Variants in STPG2 observed in about 807,000 individuals in gnomAD.
STPG2 encodes sperm tail PG-rich repeat containing 2.
A neutral mutation model predicts 54.2 loss-of-function variants in STPG2; 56 were observed. The observed-to-expected ratio is 1.03, with a 90% confidence interval of 0.83 to 1.29. The LOEUF (loss-of-function observed/expected upper bound fraction) is 1.29. Ranked by LOEUF, STPG2 falls within the 50% of genes most tolerant of loss-of-function variation. The pLI is 0.00. For missense variants in STPG2, 596 were observed against 544.9 expected (o/e 1.09, Z -0.93); for synonymous variants, 200 against 181.8 (o/e 1.10, Z -0.81).
At chr4:97,467,558 C>T (rs1729816834) in intron 4 of STPG2, among the ~76,000 whole-genome samples, 1 of 151,734 alleles carries the variant, frequency 6.6e-6, no homozygotes, top group African/African-American at 2.4e-5. Context: ...ATATGAACCA[C>T]AAGGCACATT....
chr4:97,674,782 T>C (rs757090045), intron 10 of STPG2, among the ~76,000 whole-genome samples: 1 of 152,188 alleles, frequency 6.6e-6, no homozygotes, highest in African/African-American at 2.4e-5. Context: ...TTCAAATAAC[T>C]TTGATCTAAG....
At chr4:97,486,662 CTGAG>C (rs1215258639) in intron 4 of STPG2, among the ~76,000 whole-genome samples, 1 of 151,694 alleles carries the variant, frequency 6.6e-6, no homozygotes, top group East Asian at 1.9e-4. Flanking sequence ...AATCCCATGA[CTGAG>C]TATCTACCCT....
intron 5 of STPG2, among the ~76,000 whole-genome samples, chr4:98,067,516 A>G (rs539585645): frequency 6.6e-6 from 1 of 152,308 alleles, no homozygotes; most frequent in South Asian, 2.1e-4. Flanking sequence ...TGATACTAAA[A>G]TAAGTTAATG....
chr4:97,538,426 G>A, intron 4 of STPG2, among the ~76,000 whole-genome samples: 1 of 152,162 alleles, frequency 6.6e-6, no homozygotes, highest in Non-Finnish European at 1.5e-5. Flanking sequence ...TCGAACAACT[G>A]GAAGAAAGGA....
Position 98,038,280 on chromosome 4 carries a change from G to C in STPG2, c.613-56962C>G, listed in dbSNP as rs557213485. Among the ~76,000 whole-genome samples the C allele has an allele frequency of 2.0e-3, 309 of 152,168 alleles. 1 individual carries two copies. Among genetic ancestry groups the C allele is most frequent in the Non-Finnish European group, 3.6e-3 (248 of 67,998 alleles). On this transcript the variant is annotated intron_variant, in intron 5 of 10. Transcript: ENST00000295268. ...TATCATATGGAAGAATTAAAGGTGA[G>C]GGCAGTATAGGGGATCTTAGTCCAT...
intron 10 of STPG2, among the ~76,000 whole-genome samples, chr4:97,645,305 GAA>G (rs796384753): frequency 1.5e-5 from 2 of 136,732 alleles, no homozygotes; most frequent in Admixed American, 7.5e-5. Flanking sequence ...GTATCTTGCT[GAA>G]AAAAAAAAAA....
chr4:97,566,983 GTAAC>G (rs1177882823), intron 10 of STPG2, among the ~76,000 whole-genome samples: 1 of 151,668 alleles, frequency 6.6e-6, no homozygotes, highest in Admixed American at 6.6e-5. Context: ...GTATACATAT[GTAAC>G]TAACATGCAC....
chr4:97,636,929 A>G (rs1267797483), intron 10 of STPG2, among the ~76,000 whole-genome samples: 1 of 152,094 alleles, frequency 6.6e-6, no homozygotes, highest in African/African-American at 2.4e-5. Flanking sequence ...AGGAACCGGT[A>G]CCATTCCTTC....
At chr4:97,965,123 T>C (rs576476195) in intron 7 of STPG2, among the ~76,000 whole-genome samples, 1 of 152,286 alleles carries the variant, frequency 6.6e-6, no homozygotes, top group South Asian at 2.1e-4. Flanking sequence ...TGGAAAATTG[T>C]TTCACTCCAG....
intron 5 of STPG2, among the ~76,000 whole-genome samples, chr4:97,987,938 G>C (rs113696444): frequency 2.0e-5 from 3 of 151,504 alleles, no homozygotes; most frequent in African/African-American, 7.3e-5. Flanking sequence ...TCCACAATCC[G>C]AGTCAGATTG....
chr4:97,933,349 C>A (rs547904336), intron 8 of STPG2, among the ~76,000 whole-genome samples: 1 of 152,202 alleles, frequency 6.6e-6, no homozygotes, highest in East Asian at 1.9e-4. Flanking sequence ...TTTTGGTGTG[C>A]AGAAGCTCTT....
At chr4:97,545,893 T>C (rs909834361) in intron 4 of STPG2, among the ~76,000 whole-genome samples, 1 of 152,106 alleles carries the variant, frequency 6.6e-6, no homozygotes, top group Admixed American at 6.5e-5. Flanking sequence ...AAGATTTATG[T>C]ATCTCTTTGT....
At chr4:97,797,808 G>A (rs149168970) in intron 9 of STPG2, among the ~76,000 whole-genome samples, 2,628 of 152,158 alleles carry the variant, frequency 0.017, 72 homozygotes, top group African/African-American at 0.059. Flanking sequence ...CTGCGAATCC[G>A]TCTGGTCCTG....
intron 10 of STPG2, among the ~76,000 whole-genome samples, chr4:97,641,665 A>G (rs1721769721): frequency 6.6e-6 from 1 of 151,468 alleles, no homozygotes; most frequent in African/African-American, 2.4e-5. Flanking sequence ...CACTTCTTTC[A>G]ACTTTTGTAT....
chr4:97,849,907 C>T (rs1025665677), intron 8 of STPG2, among the ~76,000 whole-genome samples: 1 of 152,026 alleles, frequency 6.6e-6, no homozygotes, highest in Non-Finnish European at 1.5e-5. Flanking sequence ...TTGACCCAGC[C>T]ATCTCATTAC....
At chr4:97,468,914 C>T (rs115385520) in intron 4 of STPG2, among the ~76,000 whole-genome samples, 2,097 of 152,132 alleles carry the variant, frequency 0.014, 20 homozygotes, top group Non-Finnish European at 0.021. Context: ...AACACAAGCT[C>T]TCCCCCCTTG....
intron 4 of STPG2, among the ~76,000 whole-genome samples, chr4:97,544,782 A>G (rs1423247419): frequency 6.6e-6 from 1 of 152,112 alleles, no homozygotes; most frequent in Non-Finnish European, 1.5e-5. Flanking sequence ...TGTCCCAGAT[A>G]TTACGTTCTT....
intron 8 of STPG2, among the ~76,000 whole-genome samples, chr4:97,891,985 C>A (rs1270744305): frequency 6.6e-6 from 1 of 152,040 alleles, no homozygotes; most frequent in Non-Finnish European, 1.5e-5. Flanking sequence ...TCCTGAACTA[C>A]CTTTCTATTC....
chr4:97,526,881 G>A (rs1731292219), intron 4 of STPG2, among the ~76,000 whole-genome samples: 1 of 151,876 alleles, frequency 6.6e-6, no homozygotes, highest in Non-Finnish European at 1.5e-5. Context: ...TGGAGTTTCA[G>A]TTTTCTGCAT....
Sources: allele counts gnomAD v4.1 joint callset (sites outside exome capture counted in the v4.1 genomes callset), GRCh38; gene constraint gnomAD v4.1.1; transcripts MANE v1.5; gene names NCBI Gene and HGNC (gene_info 2026-07-23, HGNC 2026-07-21).